The following NLRP5 variants were observed in gnomAD, a reference collection of about 807,000 sequenced individuals.
The protein encoded by NLRP5 is NACHT, LRR and PYD domains-containing protein 5.
A neutral mutation model predicts 113.1 loss-of-function variants in NLRP5; 93 were observed. The observed-to-expected ratio is 0.82, with a 90% CI of 0.70 to 0.98. The LOEUF is 0.98. Among genes scored for constraint, NLRP5 ranks in the 50% least tolerant of loss-of-function variants. NLRP5 has a pLI of 0.00. For missense variants in NLRP5, 1,808 were observed against 1,514.3 expected, an observed-to-expected ratio of 1.19 and a Z score of -3.22; for synonymous variants, 751 against 600.7, an observed-to-expected ratio of 1.25 and a Z score of -3.66.
At chr19:56,045,011 C>T (rs1273740006) in intron 11 of NLRP5, among the ~76,000 whole-genome samples, 1 of 152,160 alleles carries the variant, frequency 6.6e-6, no homozygotes, top group Non-Finnish European at 1.5e-5. Context: ...ATTTGATTCT[C>T]CGCTTGGTTG....
At chr19:56,034,786 C>T (rs1023857995) in intron 9 of NLRP5, among the ~76,000 whole-genome samples, 1 of 152,028 alleles carries the variant, frequency 6.6e-6, no homozygotes, top group Non-Finnish European at 1.5e-5. Context: ...CTATGGAGTA[C>T]CACAGTTTAA....
chr19:56,010,431 G>T (rs993037976), intron 3 of NLRP5, among the ~76,000 whole-genome samples: 1 of 152,064 alleles, frequency 6.6e-6, no homozygotes, highest in Non-Finnish European at 1.5e-5. Context: ...CGTTGCTCCT[G>T]ATGGGCTGGG....
intron 6 of NLRP5, among the ~76,000 whole-genome samples, chr19:56,024,869 G>T (rs1446092997): frequency 6.6e-6 from 1 of 152,108 alleles, no homozygotes; most frequent in South Asian, 2.1e-4. Flanking sequence ...TTGTAGGGTG[G>T]CCTCTTAGGA....
intron 11 of NLRP5, among the ~76,000 whole-genome samples, chr19:56,045,747 G>A (rs1277153903): frequency 1.3e-5 from 2 of 152,158 alleles, no homozygotes; most frequent in Admixed American, 6.5e-5. Flanking sequence ...TTTATTGCGG[G>A]CAGGGGAAGA....
intron 13 of NLRP5, among the ~76,000 whole-genome samples, chr19:56,057,422 C>T (rs1039074584): frequency 6.6e-6 from 1 of 152,210 alleles, no homozygotes; most frequent in Admixed American, 6.5e-5. Flanking sequence ...AGCCTCCGCT[C>T]TCACCACTGT....
chr19:56,015,362 T>A (rs907328228), intron 3 of NLRP5, among the ~76,000 whole-genome samples: 1 of 152,096 alleles, frequency 6.6e-6, no homozygotes, highest in African/African-American at 2.4e-5. Flanking sequence ...GCCTGGCTAA[T>A]TTTTTGAATT....
At chr19:56,047,119 A>G (rs1049705408) in intron 11 of NLRP5, among the ~76,000 whole-genome samples, 8 of 152,058 alleles carry the variant, frequency 5.3e-5, no homozygotes, top group African/African-American at 1.9e-4. Context: ...CAGTGAGGTT[A>G]TTTGGATTTT....
upstream of NLRP5, among the ~76,000 whole-genome samples, chr19:55,998,694 A>ATGTGTG (rs1555762415): frequency 1.7e-5 from 1 of 58,050 alleles, no homozygotes; most frequent in African/African-American, 7.6e-5. Context: ...ATATATATAT[A>ATGTGTG]TATATATATG....
chr19:55,991,109 A>T, the NLRP5 span, among the ~76,000 whole-genome samples: 1 of 151,984 alleles, frequency 6.6e-6, no homozygotes, highest in South Asian at 2.1e-4. Flanking sequence ...GACTTTAAAG[A>T]TTTGTTTGTT....
chr19:55,989,220 A>G, the NLRP5 span, among the ~76,000 whole-genome samples: 1 of 152,052 alleles, frequency 6.6e-6, no homozygotes, highest in Non-Finnish European at 1.5e-5. Flanking sequence ...TACTAAAATG[A>G]TTTTTTAATG....
intron 2 of NLRP5, among the ~76,000 whole-genome samples, chr19:56,005,268 TACAC>T (rs1420523965): frequency 1.4e-5 from 2 of 146,804 alleles, no homozygotes; most frequent in African/African-American, 5.0e-5. Flanking sequence ...TATATACACA[TACAC>T]ATATACACAT....
intron 3 of NLRP5, 41 bp from the exon 4 acceptor site, chr19:56,015,701 A>T (rs1294840969): frequency 1.3e-6 from 2 of 1,494,690 alleles, no homozygotes; most frequent in Admixed American, 2.0e-5. Context: ...AATAATATAC[A>T]CAGTATGTTT....
chr19:56,011,665 G>A (rs1354555357), intron 3 of NLRP5, among the ~76,000 whole-genome samples: 1 of 150,928 alleles, frequency 6.6e-6, no homozygotes, highest in Non-Finnish European at 1.5e-5. Context: ...TCATCTTTGT[G>A]TTAGATCTTT....
At chr19:56,000,490 T>G (rs908186629) in intron 1 of NLRP5, among the ~76,000 whole-genome samples, 15 of 151,752 alleles carry the variant, frequency 9.9e-5, no homozygotes, top group East Asian at 2.0e-4. Context: ...TCAGCCTCCC[T>G]AGTAGCTGGG....
rs760432568 is a variant in NLRP5, at chr19:56,038,091, C to G, written c.2682C>G (p.Pro894=). ...TCTCCCAAATCCTTACGACCTCCCC[C>G]AGCCTGAAATCTCTGAGCCTGGCAG... The change falls in exon 10 of 15, where the codon CCC becomes CCG. Residue 894 remains proline, a synonymous_variant. Coordinates refer to ENST00000390649, the MANE Select transcript of NLRP5 (RefSeq NM_153447.4). The G allele has an allele frequency of 2.5e-6, 4 of 1,613,972 alleles. No homozygotes were observed. Among genetic ancestry groups the G allele is most frequent in the South Asian group, 1.1e-5 (1 of 91,084 alleles).
intron 4 of NLRP5, among the ~76,000 whole-genome samples, chr19:56,016,767 A>G (rs1177685897): frequency 1.3e-5 from 2 of 152,128 alleles, no homozygotes; most frequent in African/African-American, 4.8e-5. Flanking sequence ...GTAGCAAATG[A>G]CAGAATTTCC....
chr19:56,045,693 T>C (rs534237336), intron 11 of NLRP5, among the ~76,000 whole-genome samples: 2 of 152,220 alleles, frequency 1.3e-5, no homozygotes, highest in South Asian at 4.1e-4. Flanking sequence ...GGAGCTAGTT[T>C]TATCGGTTAG....
chr19:56,021,019 C>A (rs1308832346), intron 6 of NLRP5, among the ~76,000 whole-genome samples: 1 of 151,758 alleles, frequency 6.6e-6, no homozygotes, highest in African/African-American at 2.4e-5. Context: ...GATTACAGGC[C>A]TGCCACCATG....
chr19:56,055,932 C>T (rs572860404), intron 13 of NLRP5, among the ~76,000 whole-genome samples: 32 of 152,220 alleles, frequency 2.1e-4, no homozygotes, highest in African/African-American at 6.3e-4. Context: ...TTCACTGAAC[C>T]GCACTCTCCA....
Sources: allele counts gnomAD v4.1 joint callset (sites outside exome capture counted in the v4.1 genomes callset), GRCh38; gene constraint gnomAD v4.1.1; transcripts MANE v1.5; gene names NCBI Gene and HGNC (gene_info 2026-07-23, HGNC 2026-07-21).